LINGO2: variants seen among roughly 807,000 people sequenced by gnomAD.
LINGO2 encodes the protein leucine rich repeat and Ig domain containing 2.
LINGO2 carries 14 observed loss-of-function variants against 30.6 expected under a neutral mutation model. The ratio of observed to expected loss-of-function variants is 0.46; its 90% CI spans 0.30 to 0.72. The LOEUF (loss-of-function observed/expected upper bound fraction) is 0.72, where lower values mean the gene tolerates loss of function less well. Ranked by LOEUF, LINGO2 falls within the 30% of genes least tolerant of loss-of-function variation. The pLI is 0.07. For synonymous variants in LINGO2, 317 were observed against 288.5 expected, an observed-to-expected ratio of 1.10 and a Z score of -1.00; for missense variants, 729 against 751.7, an observed-to-expected ratio of 0.97 and a Z score of 0.35.
intron 1 of LINGO2, among the ~76,000 whole-genome samples, chr9:28,518,721 C>A (rs1362277427): frequency 6.6e-6 from 1 of 152,174 alleles, no homozygotes; most frequent in African/African-American, 2.4e-5. Context: ...TCAAACTGGA[C>A]AAAGTATATA....
At chr9:29,123,218 AC>A in the LINGO2 span, among the ~76,000 whole-genome samples, 2 of 152,134 alleles carry the variant, frequency 1.3e-5, no homozygotes, top group African/African-American at 4.8e-5. Flanking sequence ...AATGAAACAG[AC>A]AACTAGAATC....
At chr9:28,858,744 T>A in the LINGO2 span, among the ~76,000 whole-genome samples, 1 of 152,076 alleles carries the variant, frequency 6.6e-6, no homozygotes, top group Non-Finnish European at 1.5e-5. Context: ...CACATAAATA[T>A]TTCATGATAA....
intron 4 of LINGO2, among the ~76,000 whole-genome samples, chr9:28,086,825 C>T (rs1204163655): frequency 6.6e-6 from 1 of 152,108 alleles, no homozygotes; most frequent in Non-Finnish European, 1.5e-5. Flanking sequence ...ATTTTATTGA[C>T]ATTTCCTTCA....
chr9:28,339,520 C>T (rs570975140), intron 3 of LINGO2, among the ~76,000 whole-genome samples: 2 of 152,144 alleles, frequency 1.3e-5, no homozygotes, highest in African/African-American at 4.8e-5. Flanking sequence ...TTGCCTAAGT[C>T]CAGTAGTATG....
At chr9:28,553,543 G>T (rs1028500502) in intron 1 of LINGO2, among the ~76,000 whole-genome samples, 1 of 152,078 alleles carries the variant, frequency 6.6e-6, no homozygotes, top group Non-Finnish European at 1.5e-5. Flanking sequence ...GGAAGTGATG[G>T]GGAGAATGGA....
chr9:28,756,888 C>G, the LINGO2 span, among the ~76,000 whole-genome samples: 1 of 151,524 alleles, frequency 6.6e-6, no homozygotes, highest in South Asian at 2.1e-4. Context: ...AATAAATAAC[C>G]TAGTCTTAGG....
At chr9:28,268,281 T>C (rs1365533336) in intron 4 of LINGO2, among the ~76,000 whole-genome samples, 1 of 152,066 alleles carries the variant, frequency 6.6e-6, no homozygotes, top group Non-Finnish European at 1.5e-5. Context: ...TGGCTAAAGA[T>C]AGATGCAATT....
At chr9:28,495,991 G>A (rs925181823) in intron 1 of LINGO2, among the ~76,000 whole-genome samples, 3 of 152,044 alleles carry the variant, frequency 2.0e-5, no homozygotes, top group African/African-American at 7.3e-5. Flanking sequence ...CTTAAAACCT[G>A]AGTTCTAGTT....
At chr9:28,499,021 C>A (rs951715270) in intron 1 of LINGO2, among the ~76,000 whole-genome samples, 1 of 151,782 alleles carries the variant, frequency 6.6e-6, no homozygotes, top group Non-Finnish European at 1.5e-5. Flanking sequence ...GGGGATGTAA[C>A]CTATATTCAT....
chr9:28,110,403 T>G (rs1165820743), intron 4 of LINGO2, among the ~76,000 whole-genome samples: 1 of 152,110 alleles, frequency 6.6e-6, no homozygotes, highest in African/African-American at 2.4e-5. Flanking sequence ...TGGGATCTAA[T>G]TAAACTAAAG....
the LINGO2 span, among the ~76,000 whole-genome samples, chr9:28,734,950 T>C: frequency 6.6e-6 from 1 of 152,204 alleles, no homozygotes; most frequent in Non-Finnish European, 1.5e-5. Flanking sequence ...AAAATTCTTT[T>C]TGTGTTGTTT....
At chr9:29,145,314 G>T in the LINGO2 span, among the ~76,000 whole-genome samples, 1 of 152,044 alleles carries the variant, frequency 6.6e-6, no homozygotes, top group African/African-American at 2.4e-5. Context: ...ACTAGAGATA[G>T]TTTGTTTTTT....
In LINGO2 at chr9:28,148,246, C is replaced by T. The variant is rs555951380; in HGVS notation, c.-86-135841G>A. 299 of 733,110 alleles carry T rather than the reference C, an allele frequency of 4.1e-4. 4 individuals are homozygous for T. The South Asian group carries it at 4.1e-3, about 10-fold the overall frequency. 45.4% of individuals were successfully genotyped at this position (733,110 alleles called of 1,614,324 possible). ...GTCTTATCCCTCGGAACATGGGCACCCCACAGAGGGTCCTGTCTCCTGTGG... is the reference window on the plus strand; with the variant it reads ...GTCTTATCCCTCGGAACATGGGCACTCCACAGAGGGTCCTGTCTCCTGTGG... On this transcript the variant is annotated intron_variant, in intron 4 of 5. Coordinates refer to ENST00000379992, the Ensembl canonical transcript of LINGO2. The surrounding 1 kb of genome is among the most constrained non-coding windows in gnomAD (Gnocchi z 5.1).
chr9:28,084,224 C>A (rs1156634363), intron 4 of LINGO2, among the ~76,000 whole-genome samples: 1 of 152,052 alleles, frequency 6.6e-6, no homozygotes, highest in African/African-American at 2.4e-5. Context: ...AAAGAGACAA[C>A]TTTGTTGGTA....
Position 28,202,682 on chromosome 9 carries a change from T to C in LINGO2, c.-87+92526A>G, listed in dbSNP as rs549531870. Among the ~76,000 whole-genome samples the C allele has an allele frequency of 1.2e-3, 180 of 152,288 alleles. 1 individual carries two copies. The highest frequency in any genetic ancestry group is 1.6e-3 in the Non-Finnish European group (109 of 68,024). On this transcript the variant is annotated intron_variant, in intron 4 of 5. Transcript: ENST00000379992. The stretch of plus-strand genomic sequence containing the variant: ...CCCTGGCTCAAATCATGTGACTTTG[T>C]TAACATATCACCTTGGACCTTTGTG...
intron 1 of LINGO2, among the ~76,000 whole-genome samples, chr9:28,534,199 C>A (rs912663573): frequency 6.6e-6 from 1 of 152,040 alleles, no homozygotes; most frequent in African/African-American, 2.4e-5. Flanking sequence ...GCCCTGTCAC[C>A]AGGCTGGAGT....
the LINGO2 span, among the ~76,000 whole-genome samples, chr9:28,676,852 T>G: frequency 6.6e-6 from 1 of 152,188 alleles, no homozygotes; most frequent in Non-Finnish European, 1.5e-5. Flanking sequence ...TGTTTAAACT[T>G]TTAAAAGTTG....
intron 1 of LINGO2, among the ~76,000 whole-genome samples, chr9:28,583,135 A>G (rs1314724665): frequency 6.6e-6 from 1 of 152,010 alleles, no homozygotes; most frequent in Non-Finnish European, 1.5e-5. Flanking sequence ...TAAGGAAAAG[A>G]GATATATAAT....
intron 1 of LINGO2, among the ~76,000 whole-genome samples, chr9:28,596,921 CG>C (rs1825211770): frequency 6.6e-6 from 1 of 152,060 alleles, no homozygotes; most frequent in African/African-American, 2.4e-5. Flanking sequence ...GGCTCCAGTG[CG>C]GGTCCCCTGT....
Sources: allele counts gnomAD v4.1 joint callset (sites outside exome capture counted in the v4.1 genomes callset), GRCh38; gene constraint gnomAD v4.1.1; non-coding constraint Gnocchi (gnomAD v3.1); transcripts MANE v1.5; gene names NCBI Gene and HGNC (gene_info 2026-07-23, HGNC 2026-07-21).